Variants in RPTOR observed in about 807,000 individuals in gnomAD.
RPTOR encodes the protein regulatory-associated protein of mTOR.
In RPTOR, 21 loss-of-function variants were observed where a neutral mutation model predicts 169.9. The observed-to-expected ratio is 0.12, with a 90% CI of 0.09 to 0.18. The LOEUF is 0.18. Ranked by LOEUF, RPTOR falls within the 10% of genes least tolerant of loss-of-function variation. The pLI, the probability that RPTOR is intolerant of heterozygous loss-of-function variation, is 1.00. For missense variants in RPTOR, 1,133 were observed against 1,855.9 expected, an observed-to-expected ratio of 0.61 and a Z score of 7.16; for synonymous variants, 732 against 753.2, an observed-to-expected ratio of 0.97 and a Z score of 0.46.
intron 1 of RPTOR, among the ~76,000 whole-genome samples, chr17:80,611,533 T>C (rs2065270810): frequency 6.6e-6 from 1 of 152,066 alleles, no homozygotes; most frequent in South Asian, 2.1e-4. Context: ...TCCCAAAGTG[T>C]TGGGGTTACA....
In RPTOR at chr17:80,643,708, CT is replaced by C; in HGVS notation, c.266-16del. The C allele has an allele frequency of 6.2e-7, 1 of 1,603,600 alleles. No individual in the cohort carries two copies. Among genetic ancestry groups the C allele is most frequent in the Non-Finnish European group, 8.5e-7 (1 of 1,172,514 alleles). ...GAAATGCAGACGTAAAGAACTTTCT[CT>C]TTTCCATTGCTTCCTCAGATCCTCT... On this transcript the variant is annotated intron_variant, in intron 2 of 33. Transcript: ENST00000306801.
intron 17 of RPTOR, among the ~76,000 whole-genome samples, chr17:80,890,396 G>C (rs539540507): frequency 6.6e-6 from 1 of 152,386 alleles, no homozygotes; most frequent in East Asian, 1.9e-4. Flanking sequence ...CTCTTGCACA[G>C]GGAAGGCAGC....
intron 1 of RPTOR, among the ~76,000 whole-genome samples, chr17:80,567,249 G>T (rs1405798510): frequency 6.6e-6 from 1 of 151,864 alleles, no homozygotes; most frequent in African/African-American, 2.4e-5. Flanking sequence ...GGGATTACAG[G>T]TGTGAGCCAC....
chr17:80,883,657 G>T, intron 15 of RPTOR, 124 bp from the exon 16 acceptor site: 3 of 1,260,608 alleles, frequency 2.4e-6, no homozygotes, highest in Non-Finnish European at 2.3e-6. Context: ...AATCTAAAAT[G>T]GGGAAAATTG....
At chr17:80,828,866 C>A (rs2067473369) in intron 9 of RPTOR, among the ~76,000 whole-genome samples, 1 of 152,072 alleles carries the variant, frequency 6.6e-6, no homozygotes, top group African/African-American at 2.4e-5. Flanking sequence ...AAAATGTAAG[C>A]AGTCTTAAAA....
chr17:80,631,652 C>T (rs1488577192), intron 2 of RPTOR, among the ~76,000 whole-genome samples: 1 of 152,222 alleles, frequency 6.6e-6, no homozygotes, highest in East Asian at 1.9e-4. Flanking sequence ...ACTCTTTCCC[C>T]CCAGCTTTCT....
chr17:80,631,613 A>G (rs1034868625), intron 2 of RPTOR, among the ~76,000 whole-genome samples: 5 of 151,670 alleles, frequency 3.3e-5, no homozygotes, highest in Admixed American at 2.6e-4. Flanking sequence ...GTGATTATTC[A>G]GCTTTCTCAT....
intron 24 of RPTOR, among the ~76,000 whole-genome samples, chr17:80,940,016 T>C (rs1198537031): frequency 6.6e-6 from 1 of 152,160 alleles, no homozygotes; most frequent in Admixed American, 6.5e-5. Context: ...ATGTGTTTTG[T>C]AGCAGACACA....
chr17:80,796,589 C>T (rs865826502), intron 7 of RPTOR, among the ~76,000 whole-genome samples: 4 of 152,164 alleles, frequency 2.6e-5, no homozygotes, highest in South Asian at 2.1e-4. Context: ...ACCAGGTCCC[C>T]GCCTCAACAC....
intron 1 of RPTOR, among the ~76,000 whole-genome samples, chr17:80,600,268 A>G (rs943734926): frequency 2.0e-5 from 3 of 149,910 alleles, no homozygotes; most frequent in Non-Finnish European, 4.5e-5. Flanking sequence ...ATGAGTTAAT[A>G]CACAAAAAGG....
intron 3 of RPTOR, among the ~76,000 whole-genome samples, chr17:80,653,349 C>T (rs767599099): frequency 4.6e-5 from 7 of 152,076 alleles, no homozygotes; most frequent in Non-Finnish European, 1.0e-4. Context: ...TGGAGACCAG[C>T]CTGGGCAACA....
chr17:80,571,398 C>A (rs968111241), intron 1 of RPTOR, among the ~76,000 whole-genome samples: 4 of 152,168 alleles, frequency 2.6e-5, no homozygotes, highest in Admixed American at 1.3e-4. Flanking sequence ...TGTGTGCCCC[C>A]AGCCCAGTCA....
At chr17:80,654,084 C>T (rs185297291) in intron 3 of RPTOR, among the ~76,000 whole-genome samples, 2 of 152,338 alleles carry the variant, frequency 1.3e-5, no homozygotes, top group African/African-American at 4.8e-5. Context: ...TGCCAGATGC[C>T]AGGCTCAGGT....
intron 3 of RPTOR, among the ~76,000 whole-genome samples, chr17:80,696,937 A>G (rs1412586594): frequency 6.6e-6 from 1 of 152,128 alleles, no homozygotes; most frequent in Admixed American, 6.5e-5. Context: ...CCACAGTCCA[A>G]CAGATGGTGG....
intron 6 of RPTOR, among the ~76,000 whole-genome samples, chr17:80,771,008 G>A (rs1357386290): frequency 5.3e-5 from 8 of 152,194 alleles, no homozygotes; most frequent in East Asian, 3.9e-4. Context: ...CAGCTCTCCC[G>A]GAACCATCGA....
rs1598417985 is a variant in RPTOR, at chr17:80,947,294, G to T, written c.3208G>T (p.Val1070Phe). 1 of 1,606,260 alleles carries T rather than the reference G, an allele frequency of 6.2e-7. No individual in the cohort carries two copies. The highest frequency in any genetic ancestry group is 8.5e-7 in the Non-Finnish European group (1 of 1,176,870). The change falls in exon 27 of 34, where the codon GTC becomes TTC. Residue 1070 changes from valine (V) to phenylalanine (F), a missense_variant. By Grantham distance (50) the Val-to-Phe change is conservative. This residue lies in a region of RPTOR where 410 missense variants were observed against 623.7 expected (regional missense o/e 0.66). Coordinates refer to ENST00000306801, the MANE Select transcript of RPTOR (RefSeq NM_020761.3). This position sits in a 1 kb window ranked among gnomAD's most constrained non-coding sequence, Gnocchi z 4.4. ...FHNGNPRYTR[V>F]TAMEYLNGQD... ...CAATGGGAACCCTCGGTACACGAGG[G>T]TCACTGCCATGGAGTATCTGAACGG...
At chr17:80,799,725 C>T (rs538791270) in intron 7 of RPTOR, among the ~76,000 whole-genome samples, 31 of 149,990 alleles carry the variant, frequency 2.1e-4, no homozygotes, top group African/African-American at 7.3e-4. Context: ...CCCTCCCTGG[C>T]GGCCGCCCTG....
chr17:80,590,486 G>A (rs956217968), intron 1 of RPTOR, among the ~76,000 whole-genome samples: 3 of 148,682 alleles, frequency 2.0e-5, no homozygotes, highest in East Asian at 2.0e-4. Flanking sequence ...GCAGGTATGC[G>A]CACATGCGTG....
chr17:80,600,346 A>T (rs1484870204), intron 1 of RPTOR, among the ~76,000 whole-genome samples: 2 of 152,242 alleles, frequency 1.3e-5, no homozygotes, highest in African/African-American at 4.8e-5. Context: ...ATACAAAATG[A>T]AAATAAGTCT....
Sources: gnomAD v4.1 joint callset for allele counts (sites outside exome capture counted in the v4.1 genomes callset) on GRCh38, gnomAD v4.1.1 for gene constraint, gnomAD v4.1.1 regional missense constraint, Gnocchi (gnomAD v3.1) non-coding constraint, MANE v1.5 for transcripts, NCBI Gene and HGNC (gene_info 2026-07-23, HGNC 2026-07-21) for gene names.